The following COLEC10 variants were observed in gnomAD, a reference collection of about 807,000 sequenced individuals.
COLEC10 encodes the protein collectin-10.
In COLEC10, 22 loss-of-function variants were observed where a neutral mutation model predicts 28.4. The observed-to-expected ratio is 0.78, with a 90% CI of 0.55 to 1.11. COLEC10 has a LOEUF of 1.11. Among genes scored for constraint, COLEC10 ranks in the 50% least tolerant of loss-of-function variants. The probability of loss-of-function intolerance (pLI) is 0.00; values close to 1 mark genes in which losing one functional copy is unlikely to be tolerated. For missense variants in COLEC10, 361 were observed against 344.1 expected (o/e 1.05, Z -0.39); for synonymous variants, 125 against 116.1 (o/e 1.08, Z -0.49).
chr8:119,013,635 A>G (rs748262229), intron 2 of COLEC10, among the ~76,000 whole-genome samples: 42 of 150,826 alleles, frequency 2.8e-4, no homozygotes, highest in Middle Eastern at 3.2e-3. Context: ...TTATTGCATC[A>G]AGTATTTTGT....
At chr8:118,968,890 T>C in the COLEC10 span, among the ~76,000 whole-genome samples, 2 of 152,004 alleles carry the variant, frequency 1.3e-5, no homozygotes, top group East Asian at 3.9e-4. Flanking sequence ...TCTGCTCTTG[T>C]TAGTTTCCTG....
At chr8:119,031,173 A>C (rs1213459502) in intron 2 of COLEC10, among the ~76,000 whole-genome samples, 1 of 152,232 alleles carries the variant, frequency 6.6e-6, no homozygotes, top group Non-Finnish European at 1.5e-5. Context: ...TCTGAAGTAC[A>C]TAGACCAAAT....
At chr8:118,952,397 C>T in the COLEC10 span, among the ~76,000 whole-genome samples, 10 of 152,350 alleles carry the variant, frequency 6.6e-5, no homozygotes, top group South Asian at 1.2e-3. Flanking sequence ...CCGCCGTACC[C>T]GGCTGCCTGA....
intron 3 of COLEC10, among the ~76,000 whole-genome samples, chr8:119,098,523 AAATG>A (rs1456536760): frequency 1.3e-5 from 2 of 152,090 alleles, no homozygotes; most frequent in East Asian, 3.8e-4. Flanking sequence ...TTGGGAGAAC[AAATG>A]AATGAAAGGT....
the COLEC10 span, among the ~76,000 whole-genome samples, chr8:118,984,394 T>G: frequency 6.6e-6 from 1 of 152,118 alleles, no homozygotes; most frequent in Non-Finnish European, 1.5e-5. Context: ...CTAGGCTTAG[T>G]ACCTGAGTGA....
chr8:119,035,662 G>C (rs1231875051), intron 2 of COLEC10, among the ~76,000 whole-genome samples: 1 of 152,190 alleles, frequency 6.6e-6, no homozygotes, highest in African/African-American at 2.4e-5. Context: ...AGAGAAGGTA[G>C]GAGTGGCCTT....
At chr8:119,012,423 A>G (rs982625114) in intron 2 of COLEC10, among the ~76,000 whole-genome samples, 1 of 150,584 alleles carries the variant, frequency 6.6e-6, no homozygotes, top group African/African-American at 2.5e-5. Flanking sequence ...ACTGGTCTGT[A>G]GTTTTTTTTC....
At chr8:119,063,200 G>C (rs1814889634), upstream of COLEC10, 1 of 152,172 alleles carries the variant, frequency 6.6e-6, no homozygotes. Flanking sequence ...GTCTCTGTCA[G>C]GCACTGAGCA....
At chr8:118,975,204 A>C in the COLEC10 span, among the ~76,000 whole-genome samples, 1 of 152,068 alleles carries the variant, frequency 6.6e-6, no homozygotes, top group Admixed American at 6.6e-5. Context: ...CTAACACTAC[A>C]TCAGAATAGA....
At chr8:119,075,325 G>A (rs953624977) in intron 1 of COLEC10, among the ~76,000 whole-genome samples, 1 of 151,922 alleles carries the variant, frequency 6.6e-6, no homozygotes, top group Non-Finnish European at 1.5e-5. Context: ...CTGTTTTTTT[G>A]CATTATGCAT....
At chr8:119,017,947 G>A (rs917372474) in intron 2 of COLEC10, among the ~76,000 whole-genome samples, 1 of 152,166 alleles carries the variant, frequency 6.6e-6, no homozygotes, top group Non-Finnish European at 1.5e-5. Flanking sequence ...TCGAATTCAT[G>A]AGTTTTCCTC....
chr8:118,973,912 A>G, the COLEC10 span, among the ~76,000 whole-genome samples: 3 of 151,700 alleles, frequency 2.0e-5, no homozygotes. Flanking sequence ...AACTTAAATT[A>G]CTCTTCCAAT....
intron 1 of COLEC10, among the ~76,000 whole-genome samples, chr8:119,006,994 T>C (rs1038322240): frequency 6.6e-6 from 1 of 152,114 alleles, no homozygotes; most frequent in Non-Finnish European, 1.5e-5. Flanking sequence ...TATAAAACTC[T>C]AGTCTTAAAA....
chr8:118,967,261 G>A, the COLEC10 span, among the ~76,000 whole-genome samples: 1 of 151,966 alleles, frequency 6.6e-6, no homozygotes, highest in African/African-American at 2.4e-5. Flanking sequence ...AGAACCATTA[G>A]CATATTTGAA....
chr8:119,016,457 C>T (rs116724112), intron 2 of COLEC10, among the ~76,000 whole-genome samples: 6,708 of 152,124 alleles, frequency 0.044, 219 homozygotes, highest in East Asian at 0.16. Flanking sequence ...TCCAAGTCTT[C>T]GCTCTTGTAA....
intron 1 of COLEC10, among the ~76,000 whole-genome samples, chr8:119,000,329 T>G (rs2130060165): frequency 6.6e-6 from 1 of 151,818 alleles, no homozygotes; most frequent in African/African-American, 2.4e-5. Flanking sequence ...CCTAGAGAAG[T>G]GTGATAGGAT....
chr8:118,998,780 G>C (rs1813636581), intron 1 of COLEC10, among the ~76,000 whole-genome samples: 1 of 145,460 alleles, frequency 6.9e-6, no homozygotes, highest in South Asian at 2.2e-4. Context: ...CCGGGAGGCA[G>C]AGGTTGCAGT....
chr8:118,994,633 T>A (rs906299661), upstream of COLEC10, among the ~76,000 whole-genome samples: 1 of 152,124 alleles, frequency 6.6e-6, no homozygotes, highest in Admixed American at 6.6e-5. Flanking sequence ...GAGGCAGAAC[T>A]GGGATTCGAG....
chr8:118,991,569 C>A (rs186147415), upstream of COLEC10, among the ~76,000 whole-genome samples: 381 of 152,182 alleles, frequency 2.5e-3, no homozygotes, highest in Non-Finnish European at 3.5e-3. Flanking sequence ...GAGTCTGGCT[C>A]CGAAACCCCT....
Sources: gnomAD v4.1 joint callset for allele counts (sites outside exome capture counted in the v4.1 genomes callset) on GRCh38, gnomAD v4.1.1 for gene constraint, MANE v1.5 for transcripts, NCBI Gene and HGNC (gene_info 2026-07-23, HGNC 2026-07-21) for gene names.